The following TTC28 variants were observed in gnomAD, a reference collection of about 807,000 sequenced individuals.
The protein encoded by TTC28 is tetratricopeptide repeat protein 28.
TTC28 carries 61 observed loss-of-function variants against 198.0 expected under a neutral mutation model. That is an observed-to-expected ratio of 0.31 (90% CI 0.25 to 0.38). The LOEUF (loss-of-function observed/expected upper bound fraction) is 0.38. TTC28 is among the 10% of genes least tolerant of loss of function. TTC28 has a pLI of 1.00. For synonymous variants in TTC28, 1,171 were observed against 1,297.8 expected, an observed-to-expected ratio of 0.90 and a Z score of 2.10; for missense variants, 2,678 against 3,164.0, an observed-to-expected ratio of 0.85 and a Z score of 3.69.
Position 27,993,456 on chromosome 22 carries a change from C to T in TTC28, c.5307G>A (p.Gln1769=), listed in dbSNP as rs1184918827. 1.3e-6 allele frequency: 2 copies of T among 1,551,562 alleles called. No homozygotes were observed. Among genetic ancestry groups the T allele is most frequent in the Admixed American group, 3.9e-5 (2 of 50,982 alleles). Residue 1769 remains glutamine (Q), a synonymous_variant, in exon 18 of 23, where the codon CAG becomes CAA. Transcript: ENST00000397906. ...TGCCGCCCACTTTGTTCTCCACACT[C>T]TGCTGGGATGTGTACATGGCATTGC... The part of the protein sequence containing the change: ...GQRNAMYTSQ[Q]SVENKVGGIP...
intron 6 of TTC28, among the ~76,000 whole-genome samples, chr22:28,156,903 G>T (rs1426758961): frequency 1.3e-5 from 2 of 152,012 alleles, no homozygotes; most frequent in African/African-American, 4.8e-5. Flanking sequence ...GGACTAGAAA[G>T]CAAGAGCAAA....
At chr22:28,575,703 T>G (rs960246970) in intron 2 of TTC28, among the ~76,000 whole-genome samples, 1 of 152,184 alleles carries the variant, frequency 6.6e-6, no homozygotes, top group Non-Finnish European at 1.5e-5. Flanking sequence ...GTTTTACACT[T>G]TTCATTGTAG....
chr22:28,321,456 T>C (rs1174951402), intron 2 of TTC28, among the ~76,000 whole-genome samples: 1 of 152,208 alleles, frequency 6.6e-6, no homozygotes, highest in African/African-American at 2.4e-5. Context: ...AAAAAGCTGA[T>C]TTAGAGGTTA....
chr22:28,309,497 T>C (rs2045211119), intron 2 of TTC28, among the ~76,000 whole-genome samples: 1 of 152,200 alleles, frequency 6.6e-6, no homozygotes, highest in Non-Finnish European at 1.5e-5. Context: ...ATGTTGAGAT[T>C]CACAGCTGTT....
intron 2 of TTC28, among the ~76,000 whole-genome samples, chr22:28,543,421 A>AGGGAGGAGG (rs1443040038): frequency 6.6e-6 from 1 of 150,672 alleles, no homozygotes; most frequent in Non-Finnish European, 1.5e-5. Flanking sequence ...GATGAAGAAG[A>AGGGAGGAGG]GGGAGGAGGA....
intron 2 of TTC28, among the ~76,000 whole-genome samples, chr22:28,554,062 C>G (rs1035428516): frequency 2.2e-4 from 33 of 152,252 alleles, no homozygotes; most frequent in Admixed American, 1.8e-3. Flanking sequence ...TCCTGTTGAT[C>G]TGTGACCTTA....
intron 2 of TTC28, among the ~76,000 whole-genome samples, chr22:28,600,674 C>T (rs1470785713): frequency 1.3e-5 from 2 of 152,036 alleles, no homozygotes; most frequent in Non-Finnish European, 2.9e-5. Context: ...AACCCATCAA[C>T]CTACACAAGA....
intron 5 of TTC28, among the ~76,000 whole-genome samples, chr22:28,205,438 C>A (rs1926321876): frequency 6.6e-6 from 1 of 152,014 alleles, no homozygotes; most frequent in Non-Finnish European, 1.5e-5. Flanking sequence ...ACAATTTACA[C>A]CTGATGATAA....
At chr22:28,168,265 C>T (rs1922253093) in intron 5 of TTC28, among the ~76,000 whole-genome samples, 1 of 152,134 alleles carries the variant, frequency 6.6e-6, no homozygotes, top group African/African-American at 2.4e-5. Flanking sequence ...TTTATAGATT[C>T]AAGGCCATCC....
At chr22:28,358,829 C>T (rs1204328474) in intron 2 of TTC28, among the ~76,000 whole-genome samples, 1 of 152,120 alleles carries the variant, frequency 6.6e-6, no homozygotes, top group Non-Finnish European at 1.5e-5. Flanking sequence ...GATTCCTGAC[C>T]CTCCTCACTT....
intron 5 of TTC28, among the ~76,000 whole-genome samples, chr22:28,295,107 A>T (rs1182262304): frequency 6.6e-6 from 1 of 152,196 alleles, no homozygotes; most frequent in Admixed American, 6.5e-5. Context: ...AACTCTCTAG[A>T]GAATAATATT....
intron 5 of TTC28, among the ~76,000 whole-genome samples, chr22:28,257,739 CATATATATATATATATATAT>C (rs66590909): frequency 0.076 from 7,344 of 96,618 alleles, 499 homozygotes; most frequent in African/African-American, 0.15. Context: ...GGTAATAGAA[CATATATATATATATATATAT>C]ATATATATAT....
At chr22:28,532,648 A>T (rs1569004462) in intron 2 of TTC28, among the ~76,000 whole-genome samples, 1 of 152,274 alleles carries the variant, frequency 6.6e-6, no homozygotes, top group Non-Finnish European at 1.5e-5. Context: ...CATCGATGCA[A>T]AAATCCTCAA....
intron 16 of TTC28, 101 bp from the exon 17 acceptor site, chr22:27,996,360 A>G: frequency 2.0e-6 from 3 of 1,475,124 alleles, no homozygotes; most frequent in Non-Finnish European, 2.7e-6. Flanking sequence ...AACCCAGCAG[A>G]AAGAGCAGGG....
intron 5 of TTC28, among the ~76,000 whole-genome samples, chr22:28,231,569 C>T (rs976227439): frequency 6.6e-6 from 1 of 152,154 alleles, no homozygotes; most frequent in African/African-American, 2.4e-5. Context: ...CAGGGAACTG[C>T]TCTTTGTTCT....
chr22:28,337,024 A>G (rs1200035575), intron 2 of TTC28, among the ~76,000 whole-genome samples: 1 of 152,072 alleles, frequency 6.6e-6, no homozygotes, highest in Non-Finnish European at 1.5e-5. Flanking sequence ...TGTTCCAGAG[A>G]TTCTGGTATG....
intron 5 of TTC28, among the ~76,000 whole-genome samples, chr22:28,174,284 C>G (rs1420881063): frequency 2.0e-5 from 3 of 152,286 alleles, no homozygotes; most frequent in African/African-American, 7.2e-5. Flanking sequence ...TATAATGACC[C>G]TGGTTCAGAA....
intron 5 of TTC28, among the ~76,000 whole-genome samples, chr22:28,169,687 G>A (rs1328329717): frequency 2.0e-5 from 3 of 152,052 alleles, no homozygotes; most frequent in African/African-American, 7.3e-5. Flanking sequence ...TGGGGAGCGG[G>A]GAGGGATAGC....
intron 5 of TTC28, among the ~76,000 whole-genome samples, chr22:28,286,665 T>TA (rs1157525690): frequency 6.6e-6 from 1 of 151,890 alleles, no homozygotes; most frequent in African/African-American, 2.4e-5. Context: ...ACTATAACAA[T>TA]AAAAAAACAA....
Sources: allele counts gnomAD v4.1 joint callset (sites outside exome capture counted in the v4.1 genomes callset), GRCh38; gene constraint gnomAD v4.1.1; transcripts MANE v1.5; gene names NCBI Gene and HGNC (gene_info 2026-07-23, HGNC 2026-07-21).